TRAPPC9: variants seen among roughly 807,000 people sequenced by gnomAD.
The protein encoded by TRAPPC9 is IKK2 binding protein.
Under a neutral mutation model 124.0 loss-of-function variants are expected in TRAPPC9, and 83 were observed. The observed-to-expected ratio is 0.67, with a 90% CI of 0.56 to 0.80. The LOEUF is 0.80. Ranked by LOEUF, TRAPPC9 falls within the 30% of genes least tolerant of loss-of-function variation. The pLI is 0.00. For synonymous variants in TRAPPC9, 638 were observed against 617.5 expected, an observed-to-expected ratio of 1.03 and a Z score of -0.49; for missense variants, 1,302 against 1,508.3, an observed-to-expected ratio of 0.86 and a Z score of 2.27.
At position 139,764,476 on chromosome 8, in the gene TRAPPC9, T is replaced by C. The variant is rs193283531; in HGVS notation, c.3056-32274A>G. On this transcript the variant is annotated intron_variant, in intron 21 of 22. Coordinates refer to ENST00000438773, the MANE Select transcript of TRAPPC9 (RefSeq NM_001160372.4). The stretch of plus-strand genomic sequence containing the variant: ...GCCATGGAAAGGCCATCAACCATCA[T>C]CCAGGACATGCTTAAAATGCAGGCA... Among the ~76,000 whole-genome samples, 378 of 152,308 alleles carry C rather than the reference T, an allele frequency of 2.5e-3. 2 individuals carry two copies. The highest frequency in any genetic ancestry group is 8.9e-3 in the African/African-American group (370 of 41,556).
intron 19 of TRAPPC9, among the ~76,000 whole-genome samples, chr8:139,956,488 T>C (rs1435810931): frequency 6.6e-6 from 1 of 152,218 alleles, no homozygotes; most frequent in African/African-American, 2.4e-5. Context: ...GAGGCATGTG[T>C]CTCCATCAGC....
rs748212411 is a variant in TRAPPC9 at position 140,370,938 on chromosome 8, T to C, written c.1351+26A>G. Reference sequence around the variant, plus strand: ...GACCATCAGACAGAAAGCAACACCTTAGCGCCAGCAAGGGGACTCCAGTAC... The same window carrying C: ...GACCATCAGACAGAAAGCAACACCTCAGCGCCAGCAAGGGGACTCCAGTAC... On this transcript the variant is annotated intron_variant, in intron 8 of 22. Transcript: ENST00000438773. The C allele has an allele frequency of 6.2e-6, 10 of 1,612,312 alleles. No homozygotes were observed. In the South Asian group the frequency reaches 8.8e-5, roughly 14 times the overall value.
chr8:139,964,545 T>C (rs6578055), intron 19 of TRAPPC9, among the ~76,000 whole-genome samples: 58,220 of 151,994 alleles, frequency 0.38, 12,174 homozygotes, highest in East Asian at 0.67. Flanking sequence ...AGGATCCTCA[T>C]CTGTGAGGCA....
chr8:139,972,890 C>T (rs895611116), intron 19 of TRAPPC9, among the ~76,000 whole-genome samples: 4 of 152,312 alleles, frequency 2.6e-5, no homozygotes, highest in African/African-American at 9.6e-5. Flanking sequence ...ACAGCTGATA[C>T]TCCGTCCCAG....
intron 17 of TRAPPC9, among the ~76,000 whole-genome samples, chr8:140,179,427 G>A (rs1313218962): frequency 2.0e-5 from 3 of 151,964 alleles, no homozygotes; most frequent in South Asian, 2.1e-4. Context: ...TTCTGTTGTG[G>A]TCACATAGTA....
At chr8:140,227,602 G>C (rs1159360518) in intron 16 of TRAPPC9, among the ~76,000 whole-genome samples, 1 of 152,182 alleles carries the variant, frequency 6.6e-6, no homozygotes, top group Non-Finnish European at 1.5e-5. Context: ...CTTCTCTCTA[G>C]AATTCAGCCA....
intron 9 of TRAPPC9, among the ~76,000 whole-genome samples, chr8:140,339,415 T>G (rs902157914): frequency 6.6e-6 from 1 of 152,242 alleles, no homozygotes; most frequent in Admixed American, 6.5e-5. Context: ...AAATCTGAGA[T>G]TCAGTATCTA....
intron 13 of TRAPPC9, among the ~76,000 whole-genome samples, chr8:140,284,869 G>A (rs543711580): frequency 1.3e-5 from 2 of 152,134 alleles, no homozygotes; most frequent in African/African-American, 2.4e-5. Context: ...GAGCAGCCAC[G>A]CTTCCTCTAA....
intron 4 of TRAPPC9, 57 bp from the exon 5 acceptor site, chr8:140,426,698 A>G (rs1297018980): frequency 2.0e-6 from 3 of 1,519,220 alleles, no homozygotes; most frequent in South Asian, 2.2e-5. Flanking sequence ...ACTTTTAAAA[A>G]TAACTACTAA....
At chr8:140,372,418 T>A (rs995105046) in intron 7 of TRAPPC9, among the ~76,000 whole-genome samples, 1 of 152,182 alleles carries the variant, frequency 6.6e-6, no homozygotes, top group Non-Finnish European at 1.5e-5. Context: ...GATGGGGCCC[T>A]CGTCAGCCCT....
chr8:140,206,248 T>C (rs1019373544), intron 17 of TRAPPC9, among the ~76,000 whole-genome samples: 3 of 152,224 alleles, frequency 2.0e-5, no homozygotes, highest in Non-Finnish European at 4.4e-5. Context: ...GACTATAAGG[T>C]TCAGAAAGAT....
intron 2 of TRAPPC9, among the ~76,000 whole-genome samples, chr8:140,440,146 G>A (rs538797700): frequency 9.9e-5 from 15 of 152,250 alleles, no homozygotes; most frequent in Admixed American, 4.6e-4. Flanking sequence ...GCCAGCCTTC[G>A]TTTGTCTCCT....
At chr8:140,003,629 A>T (rs1354016266) in intron 18 of TRAPPC9, among the ~76,000 whole-genome samples, 1 of 151,234 alleles carries the variant, frequency 6.6e-6, no homozygotes, top group Non-Finnish European at 1.5e-5. Context: ...AAAAGTGCAA[A>T]TTAAAACCAC....
intron 21 of TRAPPC9, among the ~76,000 whole-genome samples, chr8:139,860,147 C>G (rs1477206325): frequency 2.0e-5 from 3 of 152,156 alleles, no homozygotes; most frequent in Non-Finnish European, 4.4e-5. Flanking sequence ...AGTGAATAAA[C>G]AGTTGAATAA....
intron 17 of TRAPPC9, among the ~76,000 whole-genome samples, chr8:140,191,905 C>A (rs929202358): frequency 2.0e-5 from 3 of 152,150 alleles, no homozygotes; most frequent in Admixed American, 6.5e-5. Context: ...CCTCCCCTAC[C>A]CTTTCCAACA....
chr8:140,149,748 T>C (rs966646208), intron 17 of TRAPPC9, among the ~76,000 whole-genome samples: 3 of 152,162 alleles, frequency 2.0e-5, no homozygotes, highest in African/African-American at 4.8e-5. Flanking sequence ...TGAGTCATCA[T>C]CCACGGTTCC....
intron 16 of TRAPPC9, among the ~76,000 whole-genome samples, chr8:140,234,131 G>A (rs1183518219): frequency 2.0e-5 from 3 of 152,168 alleles, no homozygotes; most frequent in African/African-American, 7.2e-5. Context: ...GGAGGTGAGT[G>A]GAGGGCCAGA....
intron 19 of TRAPPC9, among the ~76,000 whole-genome samples, chr8:139,979,481 C>T (rs555240179): frequency 2.0e-5 from 3 of 152,308 alleles, no homozygotes; most frequent in African/African-American, 7.2e-5. Flanking sequence ...GGCTCCTGCA[C>T]TCGGGTGCAC....
rs1174759308 is a variant in TRAPPC9, at chr8:139,729,347, A to T, written c.*1714T>A. Among the ~76,000 whole-genome samples, 1 of 152,242 alleles carries T rather than the reference A, an allele frequency of 6.6e-6. No homozygotes were observed. The highest frequency in any genetic ancestry group is 6.5e-5 in the Admixed American group (1 of 15,290). ...TTGGGCTCTGTTGAGGTTGACACACATGGATGCTGTTTGTTCCATTCAGAA... is the reference window on the plus strand; with the variant it reads ...TTGGGCTCTGTTGAGGTTGACACACTTGGATGCTGTTTGTTCCATTCAGAA... On this transcript the variant is annotated 3_prime_UTR_variant, in exon 23 of 23. Transcript: ENST00000438773.
Sources: gnomAD v4.1 joint callset for allele counts (sites outside exome capture counted in the v4.1 genomes callset) on GRCh38, gnomAD v4.1.1 for gene constraint, MANE v1.5 for transcripts, NCBI Gene and HGNC (gene_info 2026-07-23, HGNC 2026-07-21) for gene names.